Variants in AGMO observed in about 807,000 individuals in gnomAD.
AGMO encodes the protein glyceryl-ether monooxygenase.
A neutral mutation model predicts 60.2 loss-of-function variants in AGMO; 75 were observed. That is an observed-to-expected ratio of 1.25 (90% confidence interval 1.03 to 1.51). The LOEUF (loss-of-function observed/expected upper bound fraction) is 1.51, where lower values mean the gene tolerates loss of function less well. Ranked by LOEUF, AGMO falls within the 40% of genes most tolerant of loss-of-function variation. AGMO has a pLI of 0.00. For synonymous variants in AGMO, 261 were observed against 177.1 expected, an observed-to-expected ratio of 1.47 and a Z score of -3.76; for missense variants, 763 against 525.5, an observed-to-expected ratio of 1.45 and a Z score of -4.42.
chr7:15,241,932 G>A (rs181086906), intron 12 of AGMO, among the ~76,000 whole-genome samples: 96 of 152,150 alleles, frequency 6.3e-4, no homozygotes, highest in African/African-American at 2.0e-3. Context: ...TCCTGTTGCT[G>A]GCTGTTAGCT....
chr7:15,448,165 C>T (rs12536296), intron 3 of AGMO, among the ~76,000 whole-genome samples: 53,570 of 152,042 alleles, frequency 0.35, 10,963 homozygotes, highest in Non-Finnish European at 0.48. Context: ...GTTTGTGTCC[C>T]TCCAAAACTC....
rs537438586 is a variant in AGMO at position 15,486,569 on chromosome 7, A to G, written c.410-55461T>C. Reference sequence around the variant, plus strand: ...AGAAAATTTAAATGTAAGCAAACTGACAAAATGTGATAGTTGAAAGGAAAT... The same window carrying G: ...AGAAAATTTAAATGTAAGCAAACTGGCAAAATGTGATAGTTGAAAGGAAAT... On this transcript the variant is annotated intron_variant, in intron 3 of 12. Transcript: ENST00000342526. 1.9e-4 allele frequency among the ~76,000 whole-genome samples: 29 copies of G among 152,284 alleles called. No individual in the cohort carries two copies. The Middle Eastern group carries it at 0.024, about 125-fold the overall frequency.
intron 4 of AGMO, among the ~76,000 whole-genome samples, chr7:15,421,484 A>AAAAGTGATGCATATTT (rs1780922340): frequency 6.6e-6 from 1 of 152,178 alleles, no homozygotes; most frequent in Non-Finnish European, 1.5e-5. Flanking sequence ...TAGCCCAGAG[A>AAAAGTGATGCATATTT]AAAGTGATGC....
chr7:15,499,367 G>A (rs1470987215), intron 3 of AGMO, among the ~76,000 whole-genome samples: 2 of 151,822 alleles, frequency 1.3e-5, no homozygotes, highest in East Asian at 1.9e-4. Context: ...CTACATGTAC[G>A]TAAAAAGTTG....
At chr7:15,297,531 A>G (rs1784439189) in intron 12 of AGMO, among the ~76,000 whole-genome samples, 1 of 152,182 alleles carries the variant, frequency 6.6e-6, no homozygotes, top group African/African-American at 2.4e-5. Context: ...TTTTTGATTT[A>G]CTACAGAGTA....
rs1272383531 is a variant in AGMO at position 15,390,683 on chromosome 7, T to G, written c.810A>C (p.Pro270=). The stretch of plus-strand genomic sequence containing the variant: ...ACAAGTATGTTACCTGCACTTTGAT[T>G]GGTTCAAATGTATTAATGGGATGTG... ...GLTHPINTFE[P]IKVQFHHLFS... The change falls in exon 8 of 13, where the codon CCA becomes CCC. Residue 270 remains proline, a synonymous_variant. Transcript: ENST00000342526. 1 of 1,598,156 alleles carries G rather than the reference T, an allele frequency of 6.3e-7. No individual in the cohort carries two copies. Among genetic ancestry groups the G allele is most frequent in the East Asian group, 2.2e-5 (1 of 44,568 alleles).
At chr7:15,372,222 G>A (rs765138191) in intron 10 of AGMO, among the ~76,000 whole-genome samples, 6 of 152,050 alleles carry the variant, frequency 3.9e-5, no homozygotes, top group Non-Finnish European at 8.8e-5. Flanking sequence ...ACGCTGAGGT[G>A]AGCGGATCAC....
intron 1 of AGMO, among the ~76,000 whole-genome samples, 155 bp from the exon 2 acceptor site, chr7:15,560,426 T>C (rs572733430): frequency 2.0e-5 from 3 of 152,264 alleles, no homozygotes; most frequent in Non-Finnish European, 4.4e-5. Flanking sequence ...TCCTACACAG[T>C]GGTAAAGAAG....
At chr7:15,341,576 C>A (rs1217270828) in intron 12 of AGMO, among the ~76,000 whole-genome samples, 1 of 152,168 alleles carries the variant, frequency 6.6e-6, no homozygotes, top group African/African-American at 2.4e-5. Flanking sequence ...CCAAACTGTT[C>A]CAAGCTTTGC....
At chr7:15,203,545 T>C (rs1051649982) in intron 12 of AGMO, among the ~76,000 whole-genome samples, 4 of 151,882 alleles carry the variant, frequency 2.6e-5, no homozygotes, top group Non-Finnish European at 5.9e-5. Flanking sequence ...CAGGCTCCTA[T>C]GTGTTATCCC....
intron 12 of AGMO, among the ~76,000 whole-genome samples, chr7:15,292,585 G>C (rs751457779): frequency 1.3e-5 from 2 of 151,888 alleles, no homozygotes; most frequent in Non-Finnish European, 2.9e-5. Context: ...ATATTGTAGA[G>C]GTTCTTTCTG....
the AGMO span, among the ~76,000 whole-genome samples, chr7:15,152,270 G>C: frequency 1.3e-5 from 2 of 152,072 alleles, no homozygotes; most frequent in Admixed American, 6.6e-5. Flanking sequence ...TGAACAGACA[G>C]AAATTCATGA....
chr7:15,360,229 A>G (rs1397736002), intron 12 of AGMO, among the ~76,000 whole-genome samples: 2 of 152,232 alleles, frequency 1.3e-5, no homozygotes, highest in Admixed American at 6.5e-5. Context: ...GGAATGACTG[A>G]TAACAAAATT....
intron 12 of AGMO, among the ~76,000 whole-genome samples, chr7:15,246,890 C>T (rs942162676): frequency 5.9e-5 from 9 of 152,096 alleles, no homozygotes; most frequent in Non-Finnish European, 1.3e-4. Context: ...TCAGGGCACA[C>T]TAGAAATCTA....
intron 3 of AGMO, among the ~76,000 whole-genome samples, chr7:15,485,990 T>C (rs1782911228): frequency 6.6e-6 from 1 of 152,144 alleles, no homozygotes; most frequent in Non-Finnish European, 1.5e-5. Flanking sequence ...TTTCTGTGTT[T>C]TGGATTAAGA....
Position 15,513,013 on chromosome 7 carries a change from T to C in AGMO, c.409+31759A>G, listed in dbSNP as rs374334772. Among the ~76,000 whole-genome samples the C allele has an allele frequency of 2.2e-4, 34 of 152,356 alleles. 1 individual carries two copies. In the East Asian group the frequency reaches 2.7e-3, roughly 12 times the overall value. On this transcript the variant is annotated intron_variant, in intron 3 of 12. Transcript: ENST00000342526. ...TTTGCATGTCACTTAAAATTGTTTTTGTAATCTAATTACTTGTGAGATTGC... is the reference window on the plus strand; with the variant it reads ...TTTGCATGTCACTTAAAATTGTTTTCGTAATCTAATTACTTGTGAGATTGC...
rs10264884 is a variant in AGMO, at chr7:15,354,995, C to G, written c.1263+10519G>C. Among the ~76,000 whole-genome samples the G allele has an allele frequency of 8.7e-3, 1,316 of 152,134 alleles. 17 individuals carry two copies. The highest frequency in any genetic ancestry group is 0.03 in the African/African-American group (1,240 of 41,498). On this transcript the variant is annotated intron_variant, in intron 12 of 12. Coordinates refer to ENST00000342526, the MANE Select transcript of AGMO (RefSeq NM_001004320.2). The stretch of plus-strand genomic sequence containing the variant: ...TGCTCACTTATACATGGCTAATGAA[C>G]AGGTAAAATGATAAATATTTGGCCT...
intron 12 of AGMO, among the ~76,000 whole-genome samples, chr7:15,281,475 T>C (rs1783962872): frequency 6.6e-6 from 1 of 152,074 alleles, no homozygotes; most frequent in African/African-American, 2.4e-5. Context: ...TCAACATTCC[T>C]GTAGATGAAA....
At chr7:15,361,279 A>C (rs527719474) in intron 12 of AGMO, among the ~76,000 whole-genome samples, 1 of 147,928 alleles carries the variant, frequency 6.8e-6, no homozygotes, top group East Asian at 2.0e-4. Context: ...ACTTAGTTGA[A>C]AAAAAAAAAA....
Sources: gnomAD v4.1 joint callset for allele counts (sites outside exome capture counted in the v4.1 genomes callset) on GRCh38, gnomAD v4.1.1 for gene constraint, MANE v1.5 for transcripts, NCBI Gene and HGNC (gene_info 2026-07-23, HGNC 2026-07-21) for gene names.